Variants in ITPR2 observed in about 807,000 individuals in gnomAD.
ITPR2 encodes inositol 1,4,5-trisphosphate-gated calcium channel ITPR2.
Under a neutral mutation model 317.1 loss-of-function variants are expected in ITPR2, and 207 were observed. The observed-to-expected ratio is 0.65, with a 90% CI of 0.58 to 0.73. ITPR2 has a LOEUF of 0.73. ITPR2 is among the 30% of genes least tolerant of loss of function. ITPR2 has a pLI of 0.00. For synonymous variants in ITPR2, 1,156 were observed against 1,149.1 expected (o/e 1.01, Z -0.12); for missense variants, 2,613 against 3,284.0 (o/e 0.80, Z 4.99).
chr12:26,486,015 C>G, intron 41 of ITPR2, 89 bp downstream of exon 41: 2 of 1,417,668 alleles, frequency 1.4e-6, no homozygotes, highest in Non-Finnish European at 2.0e-6. Flanking sequence ...CTAAAATGCT[C>G]TCCGAAACTA....
chr12:26,721,742 C>T (rs1457564289), intron 5 of ITPR2, among the ~76,000 whole-genome samples: 2 of 152,040 alleles, frequency 1.3e-5, no homozygotes, highest in Non-Finnish European at 2.9e-5. Flanking sequence ...TCAGCAACTA[C>T]TAAAATTTAT....
At chr12:26,572,021 G>A (rs1448677375) in intron 34 of ITPR2, among the ~76,000 whole-genome samples, 4 of 152,184 alleles carry the variant, frequency 2.6e-5, no homozygotes, top group Non-Finnish European at 5.9e-5. Context: ...ACTTGGAAAT[G>A]CACTGAAAAT....
chr12:26,760,510 G>A (rs546753906), intron 2 of ITPR2, among the ~76,000 whole-genome samples: 2 of 48,806 alleles, frequency 4.1e-5, no homozygotes, highest in South Asian at 6.4e-4. Context: ...GGAAAGAGAA[G>A]TTTCATAGCA....
At position 26,658,082 on chromosome 12, in the gene ITPR2, G is replaced by C; in HGVS notation, c.1935C>G (p.Ile645Met). ...TACAGATGAGTTCTTGAGTTACAGGGATAGCAGTGGTATTAGACACACACA... is the reference window on the plus strand; with the variant it reads ...TACAGATGAGTTCTTGAGTTACAGGCATAGCAGTGGTATTAGACACACACA... ...SDLCVSNTTA[I>M]PVTQELICKF... The change falls in exon 17 of 57, where the codon ATC becomes ATG. Residue 645 changes from isoleucine (I) to methionine (M), a missense_variant. Coordinates refer to ENST00000381340, the MANE Select transcript of ITPR2 (RefSeq NM_002223.4). 1 of 1,612,074 alleles carries C rather than the reference G, an allele frequency of 6.2e-7. No homozygotes were observed. The highest frequency in any genetic ancestry group is 8.5e-7 in the Non-Finnish European group (1 of 1,178,834).
At chr12:26,666,186 A>G (rs1004746250) in intron 13 of ITPR2, 135 bp from the exon 14 acceptor site, 2 of 310,778 alleles carry the variant, frequency 6.4e-6, no homozygotes, top group Non-Finnish European at 1.1e-5. Context: ...TTTCTTCAGG[A>G]GTGGAACTCA....
At chr12:26,651,905 C>G (rs984788269) in intron 21 of ITPR2, among the ~76,000 whole-genome samples, 2 of 152,246 alleles carry the variant, frequency 1.3e-5, no homozygotes. Flanking sequence ...CCCATCTTGC[C>G]TCTTTTTCTT....
chr12:26,720,958 C>T (rs1948827174), intron 5 of ITPR2, among the ~76,000 whole-genome samples: 1 of 152,138 alleles, frequency 6.6e-6, no homozygotes, highest in African/African-American at 2.4e-5. Context: ...CGAGCTTGAG[C>T]TCAGGTTTTG....
chr12:26,670,535 C>G (rs1389995728), intron 13 of ITPR2, among the ~76,000 whole-genome samples: 1 of 152,206 alleles, frequency 6.6e-6, no homozygotes, highest in Middle Eastern at 3.4e-3. Context: ...ACATCCACAC[C>G]AAAAACCCAT....
At chr12:26,588,319 C>T (rs1310897963) in intron 32 of ITPR2, among the ~76,000 whole-genome samples, 1 of 152,124 alleles carries the variant, frequency 6.6e-6, no homozygotes, top group East Asian at 1.9e-4. Context: ...AGAAAACAGA[C>T]AAGAGACTGA....
At chr12:26,466,203 C>G (rs1942167262) in intron 45 of ITPR2, among the ~76,000 whole-genome samples, 1 of 152,096 alleles carries the variant, frequency 6.6e-6, no homozygotes, top group African/African-American at 2.4e-5. Flanking sequence ...GATCATTGTC[C>G]CTGAGGACCA....
chr12:26,602,840 T>C (rs1946032691), intron 26 of ITPR2, 134 bp from the exon 27 acceptor site: 2 of 460,348 alleles, frequency 4.3e-6, no homozygotes, highest in East Asian at 3.8e-5. Context: ...ATGTTTCTTT[T>C]GTACTTTTTT....
intron 34 of ITPR2, among the ~76,000 whole-genome samples, chr12:26,577,621 T>A (rs565032945): frequency 6.6e-6 from 1 of 152,328 alleles, no homozygotes; most frequent in South Asian, 2.1e-4. Flanking sequence ...ATTACTTAAG[T>A]CAACTGTATT....
At chr12:26,647,305 CAG>C (rs1437129781) in intron 21 of ITPR2, among the ~76,000 whole-genome samples, 9 of 152,200 alleles carry the variant, frequency 5.9e-5, no homozygotes, top group Non-Finnish European at 1.0e-4. Flanking sequence ...TCGAATGATT[CAG>C]AGTTATACAC....
chr12:26,739,166 A>C (rs944034526), intron 2 of ITPR2, among the ~76,000 whole-genome samples: 1 of 152,262 alleles, frequency 6.6e-6, no homozygotes. Flanking sequence ...GTCATGTGTT[A>C]TGAGGATGTG....
At chr12:26,744,721 A>C (rs1020053811) in intron 2 of ITPR2, among the ~76,000 whole-genome samples, 1 of 152,242 alleles carries the variant, frequency 6.6e-6, no homozygotes, top group Admixed American at 6.5e-5. Context: ...TTTGGATCGC[A>C]AACAGGAAGT....
At position 26,831,224 on chromosome 12, in the gene ITPR2, A is replaced by T. The variant is rs1951096543; in HGVS notation, c.92+1466T>A. On this transcript the variant is annotated intron_variant, in intron 1 of 56. Coordinates refer to ENST00000381340, the MANE Select transcript of ITPR2 (RefSeq NM_002223.4). The surrounding 1 kb of genome is among the most constrained non-coding windows in gnomAD (Gnocchi z 4.9). ...AACCCAGCAGAAGCGCTTGGCACTAACGTGTTTTTCCTACCACGCTTTAGT... is the reference window on the plus strand; with the variant it reads ...AACCCAGCAGAAGCGCTTGGCACTATCGTGTTTTTCCTACCACGCTTTAGT... Among the ~76,000 whole-genome samples the T allele has an allele frequency of 6.6e-6, 1 of 152,196 alleles. No homozygotes were observed. Among genetic ancestry groups the T allele is most frequent in the Middle Eastern group, 3.2e-3 (1 of 316 alleles).
At chr12:26,403,908 C>G (rs923305093) in intron 52 of ITPR2, among the ~76,000 whole-genome samples, 1 of 151,976 alleles carries the variant, frequency 6.6e-6, no homozygotes, top group African/African-American at 2.4e-5. Flanking sequence ...GAAGCTGGAG[C>G]GATAAACTGG....
At chr12:26,358,101 G>GTCCTTGTT (rs1938697563) in intron 55 of ITPR2, among the ~76,000 whole-genome samples, 1 of 6,780 alleles carries the variant, frequency 1.5e-4, no homozygotes. Context: ...GAATAAAGTC[G>GTCCTTGTT]TTCGGCCGGG....
intron 2 of ITPR2, among the ~76,000 whole-genome samples, chr12:26,755,079 G>A (rs190957113): frequency 1.1e-4 from 17 of 152,230 alleles, no homozygotes; most frequent in Non-Finnish European, 1.6e-4. Flanking sequence ...TTTGGTATAT[G>A]TTCCAAAATT....
Sources: allele counts gnomAD v4.1 joint callset (sites outside exome capture counted in the v4.1 genomes callset), GRCh38; gene constraint gnomAD v4.1.1; non-coding constraint Gnocchi (gnomAD v3.1); transcripts MANE v1.5; gene names NCBI Gene and HGNC (gene_info 2026-07-23, HGNC 2026-07-21).